Variants in TNNI3K observed in about 807,000 individuals in gnomAD.
TNNI3K encodes the protein serine/threonine-protein kinase TNNI3K.
Under a neutral mutation model 114.5 loss-of-function variants are expected in TNNI3K, and 140 were observed. The observed-to-expected ratio is 1.22, with a 90% CI of 1.07 to 1.41. The LOEUF (loss-of-function observed/expected upper bound fraction) is 1.41. Ranked by LOEUF, TNNI3K falls within the 40% of genes most tolerant of loss-of-function variation. The pLI, the probability that TNNI3K is intolerant of heterozygous loss-of-function variation, is 0.00. For missense variants in TNNI3K, 1,125 were observed against 1,007.6 expected, an observed-to-expected ratio of 1.12 and a Z score of -1.58; for synonymous variants, 347 against 347.5, an observed-to-expected ratio of 1.00 and a Z score of 0.02.
At chr1:74,378,748 C>G (rs928189144) in intron 17 of TNNI3K, 2 of 150,546 alleles carry the variant, frequency 1.3e-5, no homozygotes, top group Admixed American at 1.3e-4. Context: ...ATACAGTCAG[C>G]TCTGTCTTGG....
At chr1:74,246,364 T>C (rs1654553328) in intron 2 of TNNI3K, among the ~76,000 whole-genome samples, 1 of 152,220 alleles carries the variant, frequency 6.6e-6, no homozygotes, top group Admixed American at 6.5e-5. Context: ...ATAGTAGAGG[T>C]ATTCAGCGGA....
intron 4 of TNNI3K, among the ~76,000 whole-genome samples, chr1:74,253,844 C>T (rs946241604): frequency 2.0e-5 from 3 of 152,136 alleles, no homozygotes; most frequent in Admixed American, 1.3e-4. Context: ...CCAGAGTGGG[C>T]GCCAAGGCCG....
intron 5 of TNNI3K, among the ~76,000 whole-genome samples, chr1:74,291,770 G>A (rs527509): frequency 0.99 from 150,208 of 151,576 alleles, 74,445 homozygotes; most frequent in Middle Eastern, 1. Context: ...ATTATCTTAA[G>A]GTTTGATGGT....
intron 19 of TNNI3K, among the ~76,000 whole-genome samples, chr1:74,438,044 A>C (rs45602141): frequency 0.019 from 2,828 of 151,748 alleles, 91 homozygotes; most frequent in African/African-American, 0.063. Flanking sequence ...TAAATAAATA[A>C]ATTAGTGCTA....
intron 9 of TNNI3K, among the ~76,000 whole-genome samples, chr1:74,346,536 A>G (rs1661007350): frequency 4.6e-5 from 7 of 151,810 alleles, no homozygotes. Flanking sequence ...CAGATGTGAG[A>G]ATCTTTAGGA....
chr1:74,423,809 T>G (rs1340315030), intron 17 of TNNI3K, among the ~76,000 whole-genome samples: 1 of 152,124 alleles, frequency 6.6e-6, no homozygotes, highest in Non-Finnish European at 1.5e-5. Context: ...TATGTAAAAT[T>G]GCATAATAAT....
At chr1:74,412,559 C>T (rs1315251522) in intron 17 of TNNI3K, among the ~76,000 whole-genome samples, 2 of 152,164 alleles carry the variant, frequency 1.3e-5, no homozygotes, top group African/African-American at 2.4e-5. Flanking sequence ...TATTGTCTCA[C>T]GTTGACTCAA....
intron 20 of TNNI3K, among the ~76,000 whole-genome samples, chr1:74,441,733 C>T (rs1025614409): frequency 6.6e-6 from 1 of 152,046 alleles, no homozygotes; most frequent in Non-Finnish European, 1.5e-5. Context: ...TTACATTTCA[C>T]TGATGACTAG....
In TNNI3K at chr1:74,278,588, T is replaced by C. The variant is rs149722355; in HGVS notation, c.444+6880T>C. Among the ~76,000 whole-genome samples the C allele has an allele frequency of 6.3e-3, 957 of 152,330 alleles. 14 individuals are homozygous for C. Among genetic ancestry groups the C allele is most frequent in the African/African-American group, 0.022 (905 of 41,586 alleles). On this transcript the variant is annotated intron_variant, in intron 5 of 24. Transcript: ENST00000326637. ...TTTTCTCTAAAATTTCTGCATTACA[T>C]TTTAATAGCTTTGTTGAGATAAAAT...
chr1:74,358,466 CA>C (rs1661776843), intron 11 of TNNI3K, among the ~76,000 whole-genome samples: 1 of 151,984 alleles, frequency 6.6e-6, no homozygotes, highest in Non-Finnish European at 1.5e-5. Context: ...TGAAATCTTA[CA>C]GTCATGAGTT....
intron 23 of TNNI3K, among the ~76,000 whole-genome samples, chr1:74,505,858 A>G (rs1669868877): frequency 6.6e-6 from 1 of 152,256 alleles, no homozygotes; most frequent in African/African-American, 2.4e-5. Flanking sequence ...TTGTGATATT[A>G]GCTGAACATT....
In TNNI3K at chr1:74,543,824, G is replaced by C. The variant is rs112954971; in HGVS notation, c.2432-82G>C. ...TCTGTTCACATGATCTGGAAGACCTGCCTGGTTCAGGCTGGTTATAAAAAA... is the reference window on the plus strand; with the variant it reads ...TCTGTTCACATGATCTGGAAGACCTCCCTGGTTCAGGCTGGTTATAAAAAA... On this transcript the variant is annotated intron_variant, in intron 24 of 24. Transcript: ENST00000326637. The C allele has an allele frequency of 1.8e-3, 2,769 of 1,535,600 alleles. 37 individuals carry two copies. The African/African-American group carries it at 0.027, about 15-fold the overall frequency.
At chr1:74,370,578 A>AT in intron 17 of TNNI3K, 186 bp downstream of exon 17, 1 of 404,150 alleles carries the variant, frequency 2.5e-6, no homozygotes, top group Non-Finnish European at 4.4e-6. Context: ...AAAGCTGTAT[A>AT]ACTGCTTCTC....
chr1:74,482,030 C>A (rs2100262119), intron 21 of TNNI3K, among the ~76,000 whole-genome samples: 1 of 152,304 alleles, frequency 6.6e-6, no homozygotes, highest in East Asian at 1.9e-4. Context: ...CACAAGCAAG[C>A]TTAAATCCTG....
chr1:74,477,257 G>C (rs1338565945), intron 21 of TNNI3K, among the ~76,000 whole-genome samples: 1 of 151,964 alleles, frequency 6.6e-6, no homozygotes, highest in African/African-American at 2.4e-5. Flanking sequence ...CACTTTTCTT[G>C]GGTATTTTCT....
chr1:74,298,028 C>G (rs1658099047), intron 5 of TNNI3K, among the ~76,000 whole-genome samples: 1 of 152,068 alleles, frequency 6.6e-6, no homozygotes, highest in African/African-American at 2.4e-5. Flanking sequence ...GTTTCCCTCC[C>G]AAAATCTCAT....
At chr1:74,326,913 T>C (rs561391468) in intron 5 of TNNI3K, among the ~76,000 whole-genome samples, 1 of 152,028 alleles carries the variant, frequency 6.6e-6, no homozygotes, top group Admixed American at 6.6e-5. Context: ...AAAACCTGTC[T>C]CTACTAAAAA....
At position 74,434,119 on chromosome 1, in the gene TNNI3K, T is replaced by C. The variant is rs530546719; in HGVS notation, c.1773-1961T>C. 3.3e-5 allele frequency among the ~76,000 whole-genome samples: 5 copies of C among 152,158 alleles called. No individual in the cohort carries two copies. The Middle Eastern group carries it at 0.01, about 311-fold the overall frequency. On this transcript the variant is annotated intron_variant, in intron 17 of 24. Transcript: ENST00000326637. Reference sequence around the variant, plus strand: ...ATTTGGAAATAACCAGTCTGTGATTTCAGAGCATTAAAATATATGCATAAA... The same window carrying C: ...ATTTGGAAATAACCAGTCTGTGATTCCAGAGCATTAAAATATATGCATAAA...
At position 74,336,087 on chromosome 1, in the gene TNNI3K, C is replaced by T. The variant is rs201849092; in HGVS notation, c.620C>T (p.Ala207Val). ...GTTGGAGATAGACCCCTCCACCTAG[C>T]ATCTGCAAAAGGATTCTTGAATATT... ...GEVGDRPLHL[A>V]SAKGFLNIAK... is the part of the protein sequence containing the mutation. The change falls in exon 7 of 25, where the codon GCA (alanine) becomes GTA (valine). Residue 207 changes from alanine (A) to valine (V), a missense_variant. Coordinates refer to ENST00000326637, the MANE Select transcript of TNNI3K (RefSeq NM_015978.3). The T allele has an allele frequency of 7.5e-6, 12 of 1,603,768 alleles. No homozygotes were observed. The highest frequency in any genetic ancestry group is 1.0e-5 in the Non-Finnish European group (12 of 1,176,982).
Sources: allele counts gnomAD v4.1 joint callset (sites outside exome capture counted in the v4.1 genomes callset), GRCh38; gene constraint gnomAD v4.1.1; transcripts MANE v1.5; gene names NCBI Gene and HGNC (gene_info 2026-07-23, HGNC 2026-07-21).